Variants in HNRNPH1 observed in about 807,000 individuals in gnomAD.
The protein encoded by HNRNPH1 is heterogeneous nuclear ribonucleoprotein H1, also known as heterogeneous nuclear ribonucleoprotein H.
HNRNPH1 carries 4 observed loss-of-function variants against 58.6 expected under a neutral mutation model. That is an observed-to-expected ratio of 0.07 (90% CI 0.03 to 0.16). HNRNPH1 has a LOEUF of 0.16. Ranked by LOEUF, HNRNPH1 falls within the 10% of genes least tolerant of loss-of-function variation. The probability of loss-of-function intolerance (pLI) is 1.00; values close to 1 mark genes in which losing one functional copy is unlikely to be tolerated. For missense variants in HNRNPH1, 271 were observed against 564.2 expected, an observed-to-expected ratio of 0.48 and a Z score of 5.26; for synonymous variants, 192 against 189.2, an observed-to-expected ratio of 1.01 and a Z score of -0.12.
At chr5:179,616,604 T>TA (rs1356785739) in intron 10 of HNRNPH1, 1 of 529,102 alleles carries the variant, frequency 1.9e-6, no homozygotes, top group African/African-American at 1.9e-5. Context: ...GCTATTGATT[T>TA]AAACTTTATA....
In HNRNPH1 at chr5:179,623,477, CG is replaced by C. The variant is rs1773788176; in HGVS notation, c.-345del. The C allele has an allele frequency of 2.8e-5, 5 of 178,342 alleles. 1 individual carries two copies. The South Asian group carries it at 4.7e-4, about 17-fold the overall frequency. The allele number at this position is 178,342 out of a possible 1,614,324, so 11.0% of individuals were successfully genotyped here. On this transcript the variant is annotated 5_prime_UTR_variant, in exon 1 of 13. Coordinates refer to ENST00000356731, the Ensembl canonical transcript of HNRNPH1. ...CGGCGCGGCCTGCAGGCCTCAGCGG[CG>C]GTGCCGAGATTCAGCGAACCACTCG...
chr5:179,614,781 A>G (rs967367049), exon 13 of HNRNPH1: 2 of 804,744 alleles, frequency 2.5e-6, no homozygotes, highest in East Asian at 5.7e-5. Context: ...AAGTTTTCTT[A>G]AAGAAAAAAA....
At chr5:179,630,780 G>A (rs1387991401) in intron 2 of HNRNPH1, among the ~76,000 whole-genome samples, 2 of 151,732 alleles carry the variant, frequency 1.3e-5, no homozygotes, top group South Asian at 2.1e-4. Flanking sequence ...GTGTGGTGAC[G>A]GGCGCCTGTA....
chr5:179,624,341 C>T, exon 1 of HNRNPH1: 1 of 395,324 alleles, frequency 2.5e-6, no homozygotes, highest in Non-Finnish European at 4.5e-6. Context: ...CCTAGGGCCC[C>T]GGTCGGCGCG....
At chr5:179,627,383 G>C (rs2127734240), upstream of HNRNPH1, among the ~76,000 whole-genome samples, 1 of 151,748 alleles carries the variant, frequency 6.6e-6, no homozygotes, top group Admixed American at 6.6e-5. Context: ...GTAGTGATGG[G>C]GGTCTCACTA....
At chr5:179,614,615 CTTAAGT>C (rs1768558302) in exon 13 of HNRNPH1, 3 of 359,812 alleles carry the variant, frequency 8.3e-6, no homozygotes, top group Admixed American at 4.1e-5. Context: ...AAAGCTGGAA[CTTAAGT>C]TTAACAGTTA....
Position 179,634,382 on chromosome 5 carries a change from G to A in HNRNPH1, c.-125+67C>T, listed in dbSNP as rs1581780172. 5.0e-5 allele frequency: 3 copies of A among 60,222 alleles called. No individual in the cohort carries two copies. In the East Asian group the frequency reaches 1.2e-3, roughly 25 times the overall value. 3.7% of individuals were successfully genotyped at this position (60,222 alleles called of 1,614,324 possible). A position where few individuals can be genotyped will look rare whatever the true frequency, so the allele number is the denominator to read the frequency against. On this transcript the variant is annotated intron_variant, in intron 1 of 4. Coordinates refer to the HNRNPH1 transcript ENST00000521116. ...CGCGCACTGGATCAAAATAATACAC[G>A]CCTCGACATGCGCCAGACGGTATGT...
intron 3 of HNRNPH1, 64 bp from the exon 5 acceptor site, chr5:179,619,471 ATTC>A (rs1325381766): frequency 1.1e-5 from 16 of 1,474,986 alleles, no homozygotes; most frequent in Middle Eastern, 1.7e-4. Flanking sequence ...CCCAGAAATG[ATTC>A]TTCTTATAGC....
chr5:179,622,437 G>T (rs937660206), intron 1 of HNRNPH1, among the ~76,000 whole-genome samples: 5 of 152,162 alleles, frequency 3.3e-5, no homozygotes, highest in African/African-American at 1.2e-4. Flanking sequence ...CGGGCCAGGC[G>T]CGGTGGCTCA....
At chr5:179,634,701 CTG>C (rs1476990724) in exon 1 of HNRNPH1, 4 of 91,992 alleles carry the variant, frequency 4.3e-5, no homozygotes, top group African/African-American at 7.1e-5. Context: ...ATCTCCAGCG[CTG>C]GATGAGGCTC....
upstream of HNRNPH1, chr5:179,629,067 G>A (rs1280180088): frequency 2.0e-5 from 3 of 148,300 alleles, no homozygotes; most frequent in Non-Finnish European, 4.5e-5. Context: ...GGAGGCCGAG[G>A]TGGGCAGATC....
chr5:179,623,009 G>C (rs752428276), intron 1 of HNRNPH1, 28 bp downstream of exon 2: 1 of 1,134,762 alleles, frequency 8.8e-7, no homozygotes, highest in Non-Finnish European at 1.2e-6. Context: ...CCTCGAACTC[G>C]AACTCCCGCG....
At chr5:179,622,355 C>T (rs1257022163) in intron 1 of HNRNPH1, among the ~76,000 whole-genome samples, 1 of 152,232 alleles carries the variant, frequency 6.6e-6, no homozygotes, top group Admixed American at 6.5e-5. Context: ...TTTGTCTAAT[C>T]ACTCGGCCAT....
upstream of HNRNPH1, among the ~76,000 whole-genome samples, chr5:179,626,673 A>C (rs60938391): frequency 1.3e-5 from 2 of 148,616 alleles, no homozygotes; most frequent in African/African-American, 5.0e-5. Context: ...CAGAGATTGC[A>C]CCACTGCACT....
chr5:179,616,729 G>C, intron 10 of HNRNPH1, 140 bp downstream of exon 11: 3 of 712,498 alleles, frequency 4.2e-6, no homozygotes, highest in Non-Finnish European at 7.1e-6. Flanking sequence ...AAGTAAGCCA[G>C]ATACAAAACT....
exon 1 of HNRNPH1, chr5:179,623,245 C>A (rs1351663537): frequency 3.0e-5 from 20 of 674,342 alleles, no homozygotes; most frequent in Non-Finnish European, 4.9e-5. Context: ...CCCGCACCGC[C>A]CCCCCACGGA....
At chr5:179,620,719 T>C (rs1314041189) in intron 3 of HNRNPH1, 173 bp downstream of exon 4, 1 of 600,372 alleles carries the variant, frequency 1.7e-6, no homozygotes. Context: ...GTACTTCATT[T>C]CCACCTTTAA....
chr5:179,620,836 C>T, intron 3 of HNRNPH1, 56 bp downstream of exon 4: 1 of 1,536,276 alleles, frequency 6.5e-7, no homozygotes, highest in South Asian at 1.1e-5. Flanking sequence ...TCTATTAAAT[C>T]ACCTTGCCAT....
At chr5:179,618,195 A>G (rs199693294) in exon 5 of HNRNPH1, 2 of 1,614,162 alleles carry the variant, frequency 1.2e-6, no homozygotes, top group East Asian at 2.2e-5. Context: ...TCCTCTGCCA[A>G]TGCTGTTATA....
Sources: gnomAD v4.1 joint callset for allele counts (sites outside exome capture counted in the v4.1 genomes callset) on GRCh38, gnomAD v4.1.1 for gene constraint, MANE v1.5 for transcripts, NCBI Gene and HGNC (gene_info 2026-07-23, HGNC 2026-07-21) for gene names.